NUDT7: variants seen among roughly 807,000 people sequenced by gnomAD.
The protein encoded by NUDT7 is nudix hydrolase 7, also known as peroxisomal coenzyme A diphosphatase NUDT7.
A neutral mutation model predicts 13.1 loss-of-function variants in NUDT7; 19 were observed. The ratio of observed to expected loss-of-function variants is 1.45; its 90% confidence interval spans 1.01 to 2.13. The LOEUF (loss-of-function observed/expected upper bound fraction) is 2.13, where lower values mean the gene tolerates loss of function less well. NUDT7 is among the 30% of genes most tolerant of loss of function. The probability of loss-of-function intolerance (pLI) is 0.00; values close to 1 mark genes in which losing one functional copy is unlikely to be tolerated. For missense variants in NUDT7, 360 were observed against 291.7 expected (o/e 1.23, Z -1.71); for synonymous variants, 132 against 109.7 (o/e 1.20, Z -1.27).
At position 77,741,732 on chromosome 16, in the gene NUDT7, G is replaced by A; in HGVS notation, c.499G>A (p.Gly167Ser). Residue 167 changes from glycine to serine, a missense_variant, in exon 4 of 4, where the codon GGT (glycine) becomes AGT (serine). Gly to Ser is a moderately conservative substitution (Grantham distance 56, BLOSUM62 0). Coordinates refer to ENST00000268533, the MANE Select transcript of NUDT7 (RefSeq NM_001105663.3). ...VHDQHYVTRLGHRFINHIFEY... is the reference protein window; with the variant it reads ...VHDQHYVTRLSHRFINHIFEY... ...TGACCAGCATTACGTCACACGTCTT[G>A]GTCACCGTTTTATTAATCATATCTT... 6.2e-7 allele frequency: 1 copy of A among 1,613,988 alleles called. No individual in the cohort carries two copies. Among genetic ancestry groups the A allele is most frequent in the Non-Finnish European group, 8.5e-7 (1 of 1,180,006 alleles).
At chr16:77,731,859 T>C (rs780431108) in intron 2 of NUDT7, among the ~76,000 whole-genome samples, 1 of 151,776 alleles carries the variant, frequency 6.6e-6, no homozygotes, top group African/African-American at 2.4e-5. Flanking sequence ...GAAAAAAAAA[T>C]CCTTAAAAAT....
In NUDT7 at chr16:77,741,949, G is replaced by A. The variant is rs762819209; in HGVS notation, c.716G>A (p.Ter239=). Residue 239 remains the stop codon, a stop_retained_variant, in exon 4 of 4, where the codon TGA becomes TAA. Coordinates refer to ENST00000268533, the MANE Select transcript of NUDT7 (RefSeq NM_001105663.3). The part of the protein sequence containing the change: ...KVHKKATSRL[*] ...CATAAAAAAGCTACAAGCAGGTTATGATTTACTAGAGCAAGAGACAAAGAA... is the reference window on the plus strand; with the variant it reads ...CATAAAAAAGCTACAAGCAGGTTATAATTTACTAGAGCAAGAGACAAAGAA... 6.3e-7 allele frequency: 1 copy of A among 1,583,802 alleles called. No homozygotes were observed. The highest frequency in any genetic ancestry group is 1.2e-5 in the South Asian group (1 of 85,968).
intron 2 of NUDT7, among the ~76,000 whole-genome samples, chr16:77,731,133 A>C (rs2014305779): frequency 6.6e-6 from 1 of 152,110 alleles, no homozygotes; most frequent in African/African-American, 2.4e-5. Flanking sequence ...TTTTGGGGTC[A>C]TATTTTAAAA....
chr16:77,739,939 C>T (rs1333850626), intron 3 of NUDT7, among the ~76,000 whole-genome samples: 1 of 152,118 alleles, frequency 6.6e-6, no homozygotes, highest in Non-Finnish European at 1.5e-5. Context: ...CCCATGGTGC[C>T]CTTGCCAGCC....
At chr16:77,738,859 C>G (rs1348842180) in intron 3 of NUDT7, among the ~76,000 whole-genome samples, 1 of 152,216 alleles carries the variant, frequency 6.6e-6, no homozygotes, top group Non-Finnish European at 1.5e-5. Flanking sequence ...GGAGTATGAG[C>G]AACACATCTG....
At chr16:77,736,994 C>A (rs954924664) in intron 3 of NUDT7, among the ~76,000 whole-genome samples, 9 of 151,942 alleles carry the variant, frequency 5.9e-5, no homozygotes, top group African/African-American at 1.9e-4. Flanking sequence ...TTCCATATGA[C>A]CACATGGAAA....
intron 2 of NUDT7, chr16:77,735,485 C>A: frequency 3.1e-6 from 2 of 642,194 alleles, no homozygotes; most frequent in Admixed American, 2.3e-5. Context: ...CAGCATCATG[C>A]TCCCTGTACG....
intron 2 of NUDT7, among the ~76,000 whole-genome samples, chr16:77,730,812 G>A (rs1339542901): frequency 6.6e-6 from 1 of 151,944 alleles, no homozygotes; most frequent in Non-Finnish European, 1.5e-5. Flanking sequence ...TAAAAGGTGT[G>A]ACGTAATGTC....
intron 2 of NUDT7, among the ~76,000 whole-genome samples, chr16:77,729,250 T>C (rs1045031654): frequency 6.6e-6 from 1 of 152,194 alleles, no homozygotes; most frequent in Non-Finnish European, 1.5e-5. Context: ...ATTAAATAGA[T>C]TTATCTTTTT....
At chr16:77,737,073 C>T (rs1331796138) in intron 3 of NUDT7, among the ~76,000 whole-genome samples, 1 of 152,028 alleles carries the variant, frequency 6.6e-6, no homozygotes, top group African/African-American at 2.4e-5. Flanking sequence ...GACCATAGAC[C>T]TAGTTTCCCC....
intron 2 of NUDT7, among the ~76,000 whole-genome samples, chr16:77,727,398 T>A (rs2014170822): frequency 7.5e-6 from 1 of 134,186 alleles, no homozygotes; most frequent in Non-Finnish European, 1.5e-5. Context: ...AGTAGACTTG[T>A]GTGGATTGTG....
intron 2 of NUDT7, among the ~76,000 whole-genome samples, chr16:77,730,112 A>G (rs965796204): frequency 3.3e-5 from 5 of 152,178 alleles, no homozygotes; most frequent in Admixed American, 3.3e-4. Flanking sequence ...ATAACATACT[A>G]TCTCACATAG....
intron 2 of NUDT7, among the ~76,000 whole-genome samples, chr16:77,729,951 A>T (rs991523283): frequency 6.6e-6 from 1 of 151,992 alleles, no homozygotes; most frequent in African/African-American, 2.4e-5. Context: ...CAATGTACTA[A>T]CTCACATAGT....
chr16:77,741,602 A>T lies in NUDT7; in HGVS notation c.369A>T (p.Pro123=), dbSNP rs767165777. The part of the protein sequence containing the change: ...CLIDTDTLIT[P]FVGLIDHNFQ... The stretch of plus-strand genomic sequence containing the variant: ...TTTAGACAGATACATTGATAACTCC[A>T]TTTGTGGGTTTAATAGACCACAACT... The change falls in exon 4 of 4, where the codon CCA becomes CCT. Residue 123 remains proline (P), a synonymous_variant. Transcript: ENST00000268533. 1 of 1,610,212 alleles carries T rather than the reference A, an allele frequency of 6.2e-7. No homozygotes were observed. The highest frequency in any genetic ancestry group is 1.3e-5 in the African/African-American group (1 of 74,806).
intron 2 of NUDT7, chr16:77,735,464 CA>C: frequency 1.5e-6 from 1 of 662,894 alleles, no homozygotes; most frequent in South Asian, 1.8e-5. Flanking sequence ...CCCCAGAAGC[CA>C]AGCAGACGCC....
At chr16:77,731,519 A>G (rs1358932754) in intron 2 of NUDT7, among the ~76,000 whole-genome samples, 1 of 152,216 alleles carries the variant, frequency 6.6e-6, no homozygotes, top group Admixed American at 6.5e-5. Context: ...AAAGTGTAGC[A>G]CATACAATTA....
chr16:77,725,870 G>C (rs915958386), intron 2 of NUDT7, among the ~76,000 whole-genome samples: 1 of 152,208 alleles, frequency 6.6e-6, no homozygotes, highest in African/African-American at 2.4e-5. Flanking sequence ...CTTTGGTGTG[G>C]AGGCTGTCCT....
At position 77,735,391 on chromosome 16, in the gene NUDT7, C is replaced by T. The variant is rs6564469; in HGVS notation, c.190-437C>T. 102,556 of 565,098 alleles carry T rather than the reference C, an allele frequency of 0.18. 10,555 individuals are homozygous for T. The highest frequency in any genetic ancestry group is 0.34 in the African/African-American group (18,298 of 54,130). The allele number at this position is 565,098 out of a possible 1,614,324, so 35.0% of individuals were successfully genotyped here. A position where few individuals can be genotyped will look rare whatever the true frequency, so the allele number is the denominator to read the frequency against. The stretch of plus-strand genomic sequence containing the variant: ...CCCTCCCTCTCTCTGTCTCCCGCTC[C>T]AGCCATGTGAAGTGCTTGCTCCTCC... On this transcript the variant is annotated intron_variant, in intron 2 of 3. Transcript: ENST00000268533.
At chr16:77,739,308 A>G (rs941409336) in intron 3 of NUDT7, among the ~76,000 whole-genome samples, 4 of 152,206 alleles carry the variant, frequency 2.6e-5, no homozygotes, top group Non-Finnish European at 5.9e-5. Flanking sequence ...TTATTTCTTG[A>G]TCATATGCTA....
Sources: allele counts gnomAD v4.1 joint callset (sites outside exome capture counted in the v4.1 genomes callset), GRCh38; gene constraint gnomAD v4.1.1; transcripts MANE v1.5; gene names NCBI Gene and HGNC (gene_info 2026-07-23, HGNC 2026-07-21).